The following SHROOM2 variants were observed in gnomAD, a reference collection of about 807,000 sequenced individuals.
SHROOM2 encodes shroom family member 2, also known as protein Shroom2.
SHROOM2 carries 33 observed loss-of-function variants against 75.9 expected under a neutral mutation model. The ratio of observed to expected loss-of-function variants is 0.43; its 90% confidence interval spans 0.33 to 0.58. The LOEUF is 0.58. SHROOM2 is among the 20% of genes least tolerant of loss of function. The probability of loss-of-function intolerance (pLI) is 0.04; values close to 1 mark genes in which losing one functional copy is unlikely to be tolerated. For synonymous variants in SHROOM2, 655 were observed against 663.6 expected, an observed-to-expected ratio of 0.99 and a Z score of 0.20; for missense variants, 1,434 against 1,461.2, an observed-to-expected ratio of 0.98 and a Z score of 0.30.
chrX:9,817,418 T>A (rs756066138), intron 1 of SHROOM2, among the ~76,000 whole-genome samples: 12 of 111,692 alleles, frequency 1.1e-4, no homozygotes, highest in Middle Eastern at 4.6e-3. Context: ...ATCAGTTTAT[T>A]TTTTAATTGT....
chrX:9,905,139 G>A (rs2084384907), intron 5 of SHROOM2, among the ~76,000 whole-genome samples: 1 of 112,305 alleles, frequency 8.9e-6, no homozygotes, highest in Admixed American at 9.4e-5. Context: ...ACAAGGGTGA[G>A]CCACCACACC....
Position 9,799,157 on chromosome X carries a change from C to CTTTTTTTTTT in SHROOM2, c.165+12466_165+12475dup, listed in dbSNP as rs58508176. On this transcript the variant is annotated intron_variant, in intron 1 of 9. Transcript: ENST00000380913. ...GTTTGCCTTTACGGAGAGTTTAATT[C>CTTTTTTTTTT]TTTTTTTTTTTTTTTTTTTTTTTTT... Among the ~76,000 whole-genome samples the CTTTTTTTTTT allele has an allele frequency of 4.7e-4, 29 of 61,380 alleles. 3 individuals are homozygous for CTTTTTTTTTT. The highest frequency in any genetic ancestry group is 2.4e-3 in the African/African-American group (27 of 11,343). The allele number at this position is 61,380 out of a possible 115,157, so 53.3% of individuals were successfully genotyped here.
Position 9,895,773 on chromosome X carries a change from G to T in SHROOM2, c.1865G>T (p.Arg622Ile). 8.3e-7 allele frequency: 1 copy of T among 1,202,857 alleles called. No homozygotes were observed. The change falls in exon 4 of 10, where the codon AGA becomes ATA. Residue 622 changes from arginine to isoleucine, a missense_variant. This residue lies in a region of SHROOM2 where 1,340 missense variants were observed against 1,338.3 expected (regional missense o/e 1.00). Coordinates refer to ENST00000380913, the MANE Select transcript of SHROOM2 (RefSeq NM_001649.4). ...GCCCACGTGGGCAAGCCCACCCGAA[G>T]AAGCGACCGCTTTGCCACCACCCTG... ...FDAHVGKPTR[R>I]SDRFATTLRN... is the part of the protein sequence containing the mutation.
intron 1 of SHROOM2, among the ~76,000 whole-genome samples, chrX:9,841,704 G>GA (rs1421171759): frequency 9.0e-6 from 1 of 111,637 alleles, no homozygotes; most frequent in Non-Finnish European, 1.9e-5. Context: ...AATGAGCACA[G>GA]AATGCTTAAT....
chrX:9,919,666 C>T (rs887190439), intron 5 of SHROOM2, among the ~76,000 whole-genome samples: 1 of 110,534 alleles, frequency 9.0e-6, no homozygotes, highest in Non-Finnish European at 1.9e-5. Flanking sequence ...GGAATGGCTT[C>T]CTTGGGGAGG....
In SHROOM2 at chrX:9,798,805, A is replaced by T. The variant is rs140526527; in HGVS notation, c.165+12095A>T. On this transcript the variant is annotated intron_variant, in intron 1 of 9. Transcript: ENST00000380913. ...CTTTCAAACAACTATGCTTTTTTGT[A>T]TGTGCAGCTTTTCTTAACATTTTCA... Among the ~76,000 whole-genome samples, 398 of 112,391 alleles carry T rather than the reference A, an allele frequency of 3.5e-3. 7 individuals carry two copies. In the East Asian group the frequency reaches 0.067, roughly 19 times the overall value.
intron 1 of SHROOM2, among the ~76,000 whole-genome samples, chrX:9,852,469 G>C (rs1003840161): frequency 8.9e-6 from 1 of 112,018 alleles, no homozygotes; most frequent in Non-Finnish European, 1.9e-5. Flanking sequence ...GGTCTGCTCC[G>C]AGCTGGGTCT....
At chrX:9,939,487 C>T (rs1190613711) in intron 8 of SHROOM2, 121 bp downstream of exon 8, 2 of 586,196 alleles carry the variant, frequency 3.4e-6, no homozygotes, top group Non-Finnish European at 5.3e-6. Flanking sequence ...TTGTGTTCAG[C>T]TTTCACTCAG....
chrX:9,799,501 A>T (rs937314254), intron 1 of SHROOM2, among the ~76,000 whole-genome samples: 1 of 111,199 alleles, frequency 9.0e-6, no homozygotes, highest in Non-Finnish European at 1.9e-5. Context: ...ATTACCCATT[A>T]ATTAATTACC....
intron 1 of SHROOM2, among the ~76,000 whole-genome samples, chrX:9,848,095 T>G (rs1427813256): frequency 8.9e-6 from 1 of 112,056 alleles, no homozygotes; most frequent in Non-Finnish European, 1.9e-5. Flanking sequence ...ACATGTTGCA[T>G]AGATTTGCAG....
chrX:9,908,801 G>A (rs1178852760), intron 5 of SHROOM2, among the ~76,000 whole-genome samples: 1 of 109,478 alleles, frequency 9.1e-6, no homozygotes, highest in Non-Finnish European at 1.9e-5. Flanking sequence ...AAAAAATTTA[G>A]CTGGGCATGG....
At chrX:9,817,733 T>C (rs187015447) in intron 1 of SHROOM2, among the ~76,000 whole-genome samples, 135 of 112,359 alleles carry the variant, frequency 1.2e-3, no homozygotes, top group Admixed American at 3.0e-3. Flanking sequence ...ATAAAACTTA[T>C]GTAGTACTAT....
At chrX:9,881,261 T>C (rs2051687) in intron 2 of SHROOM2, among the ~76,000 whole-genome samples, 59,928 of 110,861 alleles carry the variant, frequency 0.54, 14,373 homozygotes, top group Non-Finnish European at 0.76. Flanking sequence ...GAAAGCAAGG[T>C]CATTGGTCTG....
intron 1 of SHROOM2, among the ~76,000 whole-genome samples, chrX:9,835,823 C>T (rs1348793385): frequency 9.0e-6 from 1 of 110,524 alleles, no homozygotes; most frequent in African/African-American, 3.3e-5. Flanking sequence ...CTGCAGCCTC[C>T]AACTCCTGGG....
chrX:9,897,680 C>CAA (rs56026461), intron 4 of SHROOM2, among the ~76,000 whole-genome samples: 32,798 of 70,380 alleles, frequency 0.47, 8,223 homozygotes, highest in South Asian at 0.66. Context: ...GACCCTGTCT[C>CAA]AAAAAAAAAA....
At chrX:9,822,250 G>A (rs2083856993) in intron 1 of SHROOM2, among the ~76,000 whole-genome samples, 1 of 111,734 alleles carries the variant, frequency 8.9e-6, no homozygotes. Flanking sequence ...AGGGCATGTA[G>A]CTGGAAGGCC....
At chrX:9,944,615 T>C in intron 8 of SHROOM2, 26 bp from the exon 9 acceptor site, 2 of 1,190,394 alleles carry the variant, frequency 1.7e-6, no homozygotes, top group Non-Finnish European at 2.3e-6. Flanking sequence ...TGTCTCCGTG[T>C]TCCCTTGCCA....
rs200731017 is a variant in SHROOM2, at chrX:9,945,099, GTTGT to G, written c.4584+210_4584+213del. 4.8e-3 allele frequency among the ~76,000 whole-genome samples: 506 copies of G among 106,483 alleles called. 2 individuals carry two copies. Among genetic ancestry groups the G allele is most frequent in the African/African-American group, 0.016 (462 of 28,786 alleles). The allele number at this position is 106,483 out of a possible 115,157, so 92.5% of individuals were successfully genotyped here. ...CTCTCCTTCCTTTTATATTTCTTTA[GTTGT>G]TTGTTTGTTTGTTTGTTTGTTTGAG... On this transcript the variant is annotated intron_variant, in intron 9 of 9. Coordinates refer to ENST00000380913, the MANE Select transcript of SHROOM2 (RefSeq NM_001649.4).
At chrX:9,848,480 C>T (rs1220462757) in intron 1 of SHROOM2, among the ~76,000 whole-genome samples, 1 of 73,991 alleles carries the variant, frequency 1.4e-5, no homozygotes, top group African/African-American at 5.6e-5. Flanking sequence ...GTCCGCAGTC[C>T]GGCCTGGGCG....
Sources: allele counts gnomAD v4.1 joint callset (sites outside exome capture counted in the v4.1 genomes callset), GRCh38; gene constraint gnomAD v4.1.1; regional missense constraint gnomAD v4.1.1; transcripts MANE v1.5; gene names NCBI Gene and HGNC (gene_info 2026-07-23, HGNC 2026-07-21).